Variants in CC2D2A observed in about 807,000 individuals in gnomAD.
CC2D2A encodes coiled-coil and C2 domain-containing protein 2A.
In CC2D2A, 155 loss-of-function variants were observed where a neutral mutation model predicts 212.9. The observed-to-expected ratio is 0.73, with a 90% confidence interval of 0.64 to 0.83. CC2D2A has a LOEUF of 0.83. CC2D2A is among the 40% of genes least tolerant of loss of function. CC2D2A has a pLI of 0.00. For synonymous variants in CC2D2A, 667 were observed against 686.5 expected (o/e 0.97, Z 0.44); for missense variants, 1,856 against 1,956.2 (o/e 0.95, Z 0.97).
At chr4:15,556,221 G>A (rs1483642402) in intron 20 of CC2D2A, among the ~76,000 whole-genome samples, 2 of 152,142 alleles carry the variant, frequency 1.3e-5, no homozygotes, top group African/African-American at 4.8e-5. Flanking sequence ...TAATCCAGAG[G>A]GTAGCCCTAG....
In CC2D2A at chr4:15,553,610, T is replaced by C. The variant is rs1719118124; in HGVS notation, c.2486+305T>C. 5.3e-5 allele frequency among the ~76,000 whole-genome samples: 8 copies of C among 152,304 alleles called. No homozygotes were observed. In the South Asian group the frequency reaches 1.7e-3, roughly 32 times the overall value. On this transcript the variant is annotated intron_variant, in intron 19 of 36. Coordinates refer to ENST00000424120, the MANE Select transcript of CC2D2A (RefSeq NM_001378615.1). ...TCCCCTATTTTACAGATGGGGGAGATGCACAGCATCACAGTTGTATATATT... is the reference window on the plus strand; with the variant it reads ...TCCCCTATTTTACAGATGGGGGAGACGCACAGCATCACAGTTGTATATATT...
chr4:15,544,932 T>C (rs1228590208), intron 17 of CC2D2A, among the ~76,000 whole-genome samples: 1 of 152,198 alleles, frequency 6.6e-6, no homozygotes, highest in Non-Finnish European at 1.5e-5. Flanking sequence ...AGCTTGGTCC[T>C]AAAAACTAAA....
At chr4:15,561,878 G>A (rs1213457889) in intron 23 of CC2D2A, among the ~76,000 whole-genome samples, 1 of 152,182 alleles carries the variant, frequency 6.6e-6, no homozygotes, top group African/African-American at 2.4e-5. Context: ...TAGTCACAGT[G>A]ACCTGAGTTT....
chr4:15,530,119 C>T (rs1439631563), intron 13 of CC2D2A, among the ~76,000 whole-genome samples: 1 of 151,850 alleles, frequency 6.6e-6, no homozygotes, highest in Non-Finnish European at 1.5e-5. Context: ...CTACAGGCGC[C>T]CGCCACTACG....
intron 17 of CC2D2A, among the ~76,000 whole-genome samples, chr4:15,547,349 A>G (rs1397094935): frequency 6.6e-6 from 1 of 152,214 alleles, no homozygotes; most frequent in Non-Finnish European, 1.5e-5. Flanking sequence ...TTTGAAATAT[A>G]CAGTAAGTTA....
chr4:15,573,244 C>T (rs1165533528), intron 28 of CC2D2A, among the ~76,000 whole-genome samples: 1 of 152,208 alleles, frequency 6.6e-6, no homozygotes, highest in Non-Finnish European at 1.5e-5. Context: ...ATCTATTTTA[C>T]AGAATAAACA....
intron 15 of CC2D2A, 33 bp from the exon 16 acceptor site, chr4:15,537,866 C>A (rs776799493): frequency 1.9e-6 from 3 of 1,556,634 alleles, no homozygotes; most frequent in Non-Finnish European, 2.6e-6. Context: ...TCCAAAATTC[C>A]TGTTTGATAT....
intron 14 of CC2D2A, 188 bp downstream of exon 14, chr4:15,533,521 A>T: frequency 2.3e-6 from 1 of 439,096 alleles, no homozygotes; most frequent in Non-Finnish European, 4.1e-6. Flanking sequence ...CCCCAAAATA[A>T]CAACTACCTA....
rs771748142 is a variant in CC2D2A at position 15,599,655 on chromosome 4, T to C, written c.4623T>C (p.Asp1541=). The C allele has an allele frequency of 1.2e-6, 2 of 1,613,528 alleles. No homozygotes were observed. The highest frequency in any genetic ancestry group is 1.7e-6 in the Non-Finnish European group (2 of 1,179,578). Residue 1541 remains aspartate, a synonymous_variant, in exon 36 of 37, where the codon GAT becomes GAC. Coordinates refer to ENST00000424120, the MANE Select transcript of CC2D2A (RefSeq NM_001378615.1). ...LPLLEKSQGE[D]VEDDHRAELL... The stretch of plus-strand genomic sequence containing the variant: ...TGTTAGAAAAAAGTCAAGGAGAAGA[T>C]GTAGAAGATGACCACAGAGCAGAAC...
intron 18 of CC2D2A, among the ~76,000 whole-genome samples, chr4:15,551,499 A>G (rs1195996428): frequency 1.3e-5 from 2 of 152,104 alleles, no homozygotes; most frequent in East Asian, 3.8e-4. Context: ...GCTACAATCT[A>G]TATAATTTCT....
chr4:15,480,821 C>G lies in CC2D2A; in HGVS notation c.241C>G (p.Pro81Ala). Residue 81 changes from proline (P) to alanine (A), a missense_variant, in exon 4 of 37, where the codon CCA (proline) becomes GCA (alanine). Physicochemically the swap from Pro to Ala is conservative, Grantham distance 27. Coordinates refer to ENST00000424120, the MANE Select transcript of CC2D2A (RefSeq NM_001378615.1). ...CCTGAGTATGACAGTCCGGAGAGGC[C>G]CACGGAGTAAGTGCCCCTCTTCCAT... ...RLLSMTVRRG[P>A]RSLPPIPSTS... 1 of 1,611,774 alleles carries G rather than the reference C, an allele frequency of 6.2e-7. No homozygotes were observed. Among genetic ancestry groups the G allele is most frequent in the Middle Eastern group, 1.7e-4 (1 of 6,044 alleles).
intron 32 of CC2D2A, among the ~76,000 whole-genome samples, chr4:15,588,810 T>C (rs1720965301): frequency 6.6e-6 from 1 of 152,134 alleles, no homozygotes. Flanking sequence ...AAAAGTGGGA[T>C]AATTTCTGCC....
chr4:15,478,672 C>G (rs1048872800), intron 2 of CC2D2A, 51 bp from the exon 3 acceptor site: 3 of 1,393,776 alleles, frequency 2.2e-6, no homozygotes, highest in East Asian at 2.5e-5. Flanking sequence ...ACCTAAAAGT[C>G]ATACCTCTCT....
At chr4:15,594,650 G>T in intron 33 of CC2D2A, among the ~76,000 whole-genome samples, 1 of 152,148 alleles carries the variant, frequency 6.6e-6, no homozygotes, top group Admixed American at 6.5e-5. Flanking sequence ...AAGTCAAGGA[G>T]TGCAAAAGTG....
In CC2D2A at chr4:15,567,432, T is replaced by C. The variant is rs1719934575; in HGVS notation, c.3238T>C (p.Ser1080Pro). ...SRMFSEKHAA[S>P]PSTYSPTHNA... ...GATGTTCAGTGAAAAGCATGCTGCT[T>C]CCCCAAGCACGTACAGCCCAACCCA... Residue 1080 changes from serine (S) to proline (P), a missense_variant, in exon 25 of 37, where the codon TCC (serine) becomes CCC (proline). Ser to Pro is a moderately conservative substitution (Grantham distance 74, BLOSUM62 -1). Around this residue, in one of 5 missense-constraint regions of CC2D2A, gnomAD observed 1,512 missense variants for 1,579.3 expected, o/e 0.96. Coordinates refer to ENST00000424120, the MANE Select transcript of CC2D2A (RefSeq NM_001378615.1). The C allele has an allele frequency of 6.2e-7, 1 of 1,613,318 alleles. No homozygotes were observed. Among genetic ancestry groups the C allele is most frequent in the Non-Finnish European group, 8.5e-7 (1 of 1,179,644 alleles).
chr4:15,482,778 G>A (rs1577314143), intron 4 of CC2D2A, among the ~76,000 whole-genome samples: 3 of 152,152 alleles, frequency 2.0e-5, no homozygotes, highest in Admixed American at 1.3e-4. Flanking sequence ...AGGAGAGGTG[G>A]CCACCAGTCA....
chr4:15,538,773 T>C (rs1718269798), intron 16 of CC2D2A, among the ~76,000 whole-genome samples: 2 of 152,248 alleles, frequency 1.3e-5, no homozygotes, highest in South Asian at 4.1e-4. Flanking sequence ...TGTAAGTTCA[T>C]CTTTTTAAAA....
chr4:15,505,400 G>A (rs1366654565), intron 6 of CC2D2A, among the ~76,000 whole-genome samples: 1 of 152,092 alleles, frequency 6.6e-6, no homozygotes, highest in Admixed American at 6.5e-5. Flanking sequence ...TGTGGCCCTG[G>A]TTCCCTGTTT....
At chr4:15,541,587 G>C (rs546357297) in intron 17 of CC2D2A, among the ~76,000 whole-genome samples, 3 of 152,012 alleles carry the variant, frequency 2.0e-5, no homozygotes, top group Admixed American at 6.6e-5. Context: ...GGTGCTGAAG[G>C]GGGTGGGGCA....
Sources: allele counts gnomAD v4.1 joint callset (sites outside exome capture counted in the v4.1 genomes callset), GRCh38; gene constraint gnomAD v4.1.1; regional missense constraint gnomAD v4.1.1; transcripts MANE v1.5; gene names NCBI Gene and HGNC (gene_info 2026-07-23, HGNC 2026-07-21).